The following COX17 variants were observed in gnomAD, a reference collection of about 807,000 sequenced individuals.
The protein encoded by COX17 is cytochrome c oxidase copper chaperone COX17, also known as cytochrome c oxidase copper chaperone.
A neutral mutation model predicts 6.3 loss-of-function variants in COX17; 1 was observed. The ratio of observed to expected loss-of-function variants is 0.16; its 90% confidence interval spans 0.06 to 0.75. The LOEUF (loss-of-function observed/expected upper bound fraction) is 0.75. Among genes scored for constraint, COX17 ranks in the 30% least tolerant of loss-of-function variants. The pLI, the probability that COX17 is intolerant of heterozygous loss-of-function variation, is 0.77. For missense variants in COX17, 73 were observed against 81.2 expected (o/e 0.90, Z 0.39); for synonymous variants, 26 against 30.5 (o/e 0.85, Z 0.49).
downstream of COX17, chr3:119,665,455 G>A (rs991699001): frequency 6.6e-6 from 1 of 152,214 alleles, no homozygotes; most frequent in African/African-American, 2.4e-5. Flanking sequence ...GCTCACTGCA[G>A]CCTCAGTCCT....
At chr3:119,676,106 G>C (rs2053096314) in intron 1 of COX17, among the ~76,000 whole-genome samples, 1 of 152,176 alleles carries the variant, frequency 6.6e-6, no homozygotes, top group Non-Finnish European at 1.5e-5. Context: ...AATAATACTG[G>C]AGGGAGTTTC....
intron 2 of COX17, 23 bp downstream of exon 2, chr3:119,675,122 C>T (rs747650021): frequency 6.5e-7 from 1 of 1,540,104 alleles, no homozygotes; most frequent in South Asian, 1.1e-5. Flanking sequence ...AAGCAATACA[C>T]AACTTTGAAG....
At chr3:119,672,296 A>G (rs1295890679) in intron 2 of COX17, among the ~76,000 whole-genome samples, 1 of 152,228 alleles carries the variant, frequency 6.6e-6, no homozygotes, top group Non-Finnish European at 1.5e-5. Context: ...TTACACACAA[A>G]TGAAGTACAC....
At chr3:119,670,480 G>A (rs1248740055) in intron 2 of COX17, among the ~76,000 whole-genome samples, 4 of 152,104 alleles carry the variant, frequency 2.6e-5, no homozygotes, top group Admixed American at 2.6e-4. Context: ...AACCAAAAAC[G>A]AAGCCATTCA....
At chr3:119,667,329 A>C (rs371061722), downstream of COX17, among the ~76,000 whole-genome samples, 5 of 152,136 alleles carry the variant, frequency 3.3e-5, no homozygotes, top group East Asian at 9.6e-4. Flanking sequence ...AGACTTAAGC[A>C]CTAGGAAAGG....
At chr3:119,675,061 A>G (rs988414739) in intron 2 of COX17, 84 bp downstream of exon 2, 1 of 946,076 alleles carries the variant, frequency 1.1e-6, no homozygotes, top group African/African-American at 1.6e-5. Flanking sequence ...TAGATTAACC[A>G]GGTGAACTAC....
At chr3:119,672,981 C>T (rs2053060067) in intron 2 of COX17, among the ~76,000 whole-genome samples, 1 of 152,202 alleles carries the variant, frequency 6.6e-6, no homozygotes, top group Non-Finnish European at 1.5e-5. Flanking sequence ...GTGAGGAAGA[C>T]TGGCCATATG....
At chr3:119,675,390 T>A in intron 1 of COX17, 157 bp from the exon 2 acceptor site, 2 of 600,066 alleles carry the variant, frequency 3.3e-6, no homozygotes, top group Non-Finnish European at 3.0e-6. Context: ...TTTTATTTGA[T>A]CTTATGATAT....
rs1296956644 is a variant in COX17 at position 119,670,823 on chromosome 3, T to C, written c.*5-1158A>G. Among the ~76,000 whole-genome samples the C allele has an allele frequency of 5.3e-5, 8 of 151,820 alleles. No individual in the cohort carries two copies. The South Asian group carries it at 1.5e-3, about 28-fold the overall frequency. ...ATATTTTAAGCATCCAACTGTTAAGTTGTTAAACTTAATATTGAGTATCAC... is the reference window on the plus strand; with the variant it reads ...ATATTTTAAGCATCCAACTGTTAAGCTGTTAAACTTAATATTGAGTATCAC... On this transcript the variant is annotated intron_variant, in intron 2 of 2. Coordinates refer to ENST00000261070, the MANE Select transcript of COX17 (RefSeq NM_005694.2).
chr3:119,672,607 C>T (rs1269301609), intron 2 of COX17, among the ~76,000 whole-genome samples: 1 of 152,074 alleles, frequency 6.6e-6, no homozygotes, highest in East Asian at 1.9e-4. Context: ...AGTACACATA[C>T]TTTTTAAGAA....
chr3:119,676,916 T>C (rs2053106262), intron 1 of COX17: 1 of 701,696 alleles, frequency 1.4e-6, no homozygotes, highest in African/African-American at 1.8e-5. Flanking sequence ...CTCTCCATCG[T>C]TTCCCGGTAC....
chr3:119,671,161 T>C (rs1292507190), intron 2 of COX17, among the ~76,000 whole-genome samples: 1 of 152,180 alleles, frequency 6.6e-6, no homozygotes, highest in Non-Finnish European at 1.5e-5. Flanking sequence ...CTTAGGCCAG[T>C]GGTTGTTAAA....
At chr3:119,675,931 C>T (rs1401565590) in intron 1 of COX17, among the ~76,000 whole-genome samples, 1 of 152,198 alleles carries the variant, frequency 6.6e-6, no homozygotes, top group African/African-American at 2.4e-5. Flanking sequence ...GTTCTCCTTC[C>T]ATGGAAACTC....
chr3:119,676,724 C>T (rs2053103805), intron 1 of COX17: 1 of 661,596 alleles, frequency 1.5e-6, no homozygotes. Context: ...TCTATCATAG[C>T]CCTTACCACG....
chr3:119,676,006 T>C (rs1158663212), intron 1 of COX17, among the ~76,000 whole-genome samples: 4 of 152,236 alleles, frequency 2.6e-5, no homozygotes, highest in Non-Finnish European at 5.9e-5. Context: ...AGTGAGATCA[T>C]TGTGAAGATA....
At chr3:119,668,352 A>G (rs1880041), downstream of COX17, among the ~76,000 whole-genome samples, 55,383 of 151,962 alleles carry the variant, frequency 0.36, 10,691 homozygotes, top group East Asian at 0.66. Flanking sequence ...TAATTGTCCA[A>G]GATTCTATTC....
At chr3:119,667,204 G>A (rs1456734228), downstream of COX17, among the ~76,000 whole-genome samples, 1 of 152,218 alleles carries the variant, frequency 6.6e-6, no homozygotes, top group East Asian at 1.9e-4. Flanking sequence ...GCTTAGCAAA[G>A]AGGTGCATTA....
At chr3:119,666,584 A>G (rs2052994404), downstream of COX17, among the ~76,000 whole-genome samples, 2 of 152,234 alleles carry the variant, frequency 1.3e-5, no homozygotes, top group Admixed American at 6.5e-5. Flanking sequence ...GCATCTTGGA[A>G]TATCCACCAT....
downstream of COX17, chr3:119,667,032 A>G (rs1034919895): frequency 6.6e-6 from 1 of 152,208 alleles, no homozygotes; most frequent in Admixed American, 6.5e-5. Context: ...GTCATATTAG[A>G]CCTATGAAAG....
Sources: gnomAD v4.1 joint callset for allele counts (sites outside exome capture counted in the v4.1 genomes callset) on GRCh38, gnomAD v4.1.1 for gene constraint, MANE v1.5 for transcripts, NCBI Gene and HGNC (gene_info 2026-07-23, HGNC 2026-07-21) for gene names.